Variants in KIFC3 observed in about 807,000 individuals in gnomAD.
KIFC3 encodes kinesin family member C3.
In KIFC3, 60 loss-of-function variants were observed where a neutral mutation model predicts 101.8. The observed-to-expected ratio is 0.59, with a 90% CI of 0.48 to 0.73. KIFC3 has a LOEUF of 0.73. Ranked by LOEUF, KIFC3 falls within the 30% of genes least tolerant of loss-of-function variation. The probability of loss-of-function intolerance (pLI) is 0.00; values close to 1 mark genes in which losing one functional copy is unlikely to be tolerated. For synonymous variants in KIFC3, 476 were observed against 482.7 expected (o/e 0.99, Z 0.18); for missense variants, 966 against 1,137.1 (o/e 0.85, Z 2.16).
chr16:57,826,689 G>A (rs2055463562), intron 1 of KIFC3, among the ~76,000 whole-genome samples: 1 of 152,200 alleles, frequency 6.6e-6, no homozygotes, highest in African/African-American at 2.4e-5. Context: ...CAGGAAAATT[G>A]TATCCGACCC....
upstream of KIFC3, among the ~76,000 whole-genome samples, chr16:57,805,833 G>A (rs994183882): frequency 6.6e-6 from 1 of 151,892 alleles, no homozygotes; most frequent in Non-Finnish European, 1.5e-5. Context: ...GCGCCACCAC[G>A]CCCAGCTAAT....
intron 1 of KIFC3, among the ~76,000 whole-genome samples, chr16:57,837,554 G>GAAGGAAGGAAGAAAGAGA (rs71152302): frequency 2.0e-5 from 2 of 99,916 alleles, no homozygotes; most frequent in Non-Finnish European, 4.3e-5. Flanking sequence ...AGGAAGGAAG[G>GAAGGAAGGAAGAAAGAGA]AAGAAAGAAA....
rs1555596460 is a variant in KIFC3, at chr16:57,761,027, GC to G, written c.2002+14del. On this transcript the variant is annotated intron_variant, in intron 15 of 19. Coordinates refer to ENST00000445690, the MANE Select transcript of KIFC3 (RefSeq NM_001130100.2). Reference sequence around the variant, plus strand: ...GTTGTGGGGATCCTCAGGCCAGGCTGCCTGCCACTCTCACCCGTGGTGCGGA... The same window carrying G: ...GTTGTGGGGATCCTCAGGCCAGGCTGCTGCCACTCTCACCCGTGGTGCGGA... The G allele has an allele frequency of 1.9e-6, 3 of 1,603,982 alleles. No individual in the cohort carries two copies. In the East Asian group the frequency reaches 6.7e-5, roughly 36 times the overall value.
intron 12 of KIFC3, 22 bp from the exon 13 acceptor site, chr16:57,762,292 C>A: frequency 6.6e-7 from 1 of 1,520,002 alleles, no homozygotes; most frequent in South Asian, 1.2e-5. Flanking sequence ...AGGAAAGGCC[C>A]CAGTAAGCCA....
chr16:57,844,072 C>T (rs1317374877), intron 1 of KIFC3, among the ~76,000 whole-genome samples: 1 of 151,574 alleles, frequency 6.6e-6, no homozygotes, highest in African/African-American at 2.4e-5. Flanking sequence ...TGCACCACTG[C>T]ACTCCAGCCT....
At chr16:57,764,459 A>C in intron 11 of KIFC3, 1 of 554,874 alleles carries the variant, frequency 1.8e-6, no homozygotes, top group Non-Finnish European at 3.3e-6. Context: ...TGCAGGGAAG[A>C]CAGGCCAGTG....
Position 57,850,003 on chromosome 16 carries a change from G to T in KIFC3, c.108+12726C>A, listed in dbSNP as rs567806659. ...AGGGGAATCAGCCTCGAAAAGTAGG[G>T]GAATCACTTGAGGCCAGGAGTTTGA... is the stretch of plus-strand genomic sequence containing the variant. On this transcript the variant is annotated intron_variant, in intron 1 of 2. Coordinates refer to the KIFC3 transcript ENST00000563028. Among the ~76,000 whole-genome samples, 10 of 152,144 alleles carry T rather than the reference G, an allele frequency of 6.6e-5. No individual in the cohort carries two copies. The East Asian group carries it at 1.2e-3, about 18-fold the overall frequency.
intron 1 of KIFC3, among the ~76,000 whole-genome samples, chr16:57,856,150 C>T (rs1293193689): frequency 6.6e-6 from 1 of 151,082 alleles, no homozygotes; most frequent in Non-Finnish European, 1.5e-5. Flanking sequence ...ATAGCAAGAC[C>T]CTGTCTGTAT....
intron 1 of KIFC3, among the ~76,000 whole-genome samples, chr16:57,821,916 A>G (rs2055359592): frequency 6.6e-6 from 1 of 152,058 alleles, no homozygotes; most frequent in Non-Finnish European, 1.5e-5. Flanking sequence ...CGTCTCTACC[A>G]AAAATAAAGA....
Position 57,761,177 on chromosome 16 carries a change from G to C in KIFC3, c.1873-6C>G, listed in dbSNP as rs782390910. 1.2e-6 allele frequency: 2 copies of C among 1,613,656 alleles called. No homozygotes were observed. Among genetic ancestry groups the C allele is most frequent in the Non-Finnish European group, 1.7e-6 (2 of 1,179,878 alleles). On this transcript the variant is annotated splice_region_variant and splice_polypyrimidine_tract_variant and intron_variant, in intron 14 of 19. Transcript: ENST00000445690. ...GTGTGGCCAAACTCAAACACCTGGG[G>C]GATTGGGAGGAGGGCAGAGGCACAG...
At chr16:57,797,762 G>A (rs186693494) in intron 2 of KIFC3, 8 of 1,277,426 alleles carry the variant, frequency 6.3e-6, no homozygotes, top group South Asian at 1.7e-5. Context: ...GGCCAAGGAC[G>A]GCAGCCCGCA....
intron 3 of KIFC3, among the ~76,000 whole-genome samples, chr16:57,773,021 C>A (rs2051482743): frequency 6.6e-6 from 1 of 152,206 alleles, no homozygotes; most frequent in South Asian, 2.1e-4. Flanking sequence ...TTCCCCGGCG[C>A]TGTCCTCCAG....
upstream of KIFC3, chr16:57,807,957 A>C (rs1003089441): frequency 7.4e-6 from 1 of 135,638 alleles, no homozygotes; most frequent in East Asian, 2.1e-4. Flanking sequence ...AAAAAAAAAA[A>C]AACCTTCTAA....
At chr16:57,806,004 G>A (rs548652557), upstream of KIFC3, among the ~76,000 whole-genome samples, 61 of 152,238 alleles carry the variant, frequency 4.0e-4, no homozygotes, top group African/African-American at 1.4e-3. Flanking sequence ...CTCCCAAAGT[G>A]CTGGGATTAC....
intron 1 of KIFC3, among the ~76,000 whole-genome samples, chr16:57,819,457 G>T (rs1555629545): frequency 1.3e-5 from 2 of 152,188 alleles, no homozygotes; most frequent in African/African-American, 4.8e-5. Flanking sequence ...CTCCTGTTTG[G>T]ACACCAGCAC....
intron 3 of KIFC3, chr16:57,776,519 C>T (rs2052111486): frequency 3.9e-6 from 2 of 511,830 alleles, no homozygotes; most frequent in South Asian, 1.7e-4. Context: ...CTCTTAAGTT[C>T]TCTATGTCTC....
chr16:57,769,620 T>C lies in KIFC3; in HGVS notation c.1193A>G (p.Glu398Gly), dbSNP rs781872591. Residue 398 changes from glutamate (E) to glycine (G), a missense_variant, in exon 9 of 20, where the codon GAG (glutamate) becomes GGG (glycine). Around this residue, in one of 2 missense-constraint regions of KIFC3, gnomAD observed 689 missense variants for 884.6 expected, o/e 0.78. Coordinates refer to ENST00000445690, the MANE Select transcript of KIFC3 (RefSeq NM_001130100.2). This position sits in a 1 kb window ranked among gnomAD's most constrained non-coding sequence, Gnocchi z 4.3. The stretch of plus-strand genomic sequence containing the variant: ...CTCGGCCTTGACACTCCTGAGGGCC[T>C]CCTGCAGCAGCAGTGGGAAGCCGCG... ...QVRGFPLLLQEALRSVKAEIG... is the reference protein window; with the variant it reads ...QVRGFPLLLQGALRSVKAEIG... The C allele has an allele frequency of 1.9e-6, 3 of 1,611,060 alleles. No homozygotes were observed. The African/African-American group carries it at 4.0e-5, about 21-fold the overall frequency.
intron 6 of KIFC3, 131 bp from the exon 7 acceptor site, chr16:57,770,831 G>A: frequency 1.3e-6 from 1 of 782,174 alleles, no homozygotes; most frequent in East Asian, 2.9e-5. Context: ...AAAACTAGAG[G>A]AGCCTTGAGG....
intron 1 of KIFC3, among the ~76,000 whole-genome samples, chr16:57,812,029 C>T (rs1389307303): frequency 1.3e-5 from 2 of 149,820 alleles, no homozygotes; most frequent in Admixed American, 6.6e-5. Context: ...GGTGACAGAG[C>T]GAGACCCCGT....
Sources: allele counts gnomAD v4.1 joint callset (sites outside exome capture counted in the v4.1 genomes callset), GRCh38; gene constraint gnomAD v4.1.1; regional missense constraint gnomAD v4.1.1; non-coding constraint Gnocchi (gnomAD v3.1); transcripts MANE v1.5; gene names NCBI Gene and HGNC (gene_info 2026-07-23, HGNC 2026-07-21).